Variants in PPP1R9A observed in about 807,000 individuals in gnomAD.
PPP1R9A encodes neurabin-1.
A neutral mutation model predicts 141.9 loss-of-function variants in PPP1R9A; 59 were observed. That is an observed-to-expected ratio of 0.42 (90% confidence interval 0.34 to 0.52). The LOEUF is 0.52. Ranked by LOEUF, PPP1R9A falls within the 20% of genes least tolerant of loss-of-function variation. PPP1R9A has a pLI of 0.10. For missense variants in PPP1R9A, 1,444 were observed against 1,611.9 expected (o/e 0.90, Z 1.78); for synonymous variants, 500 against 569.7 (o/e 0.88, Z 1.74).
At chr7:95,272,096 T>C (rs1802276146) in intron 14 of PPP1R9A, among the ~76,000 whole-genome samples, 1 of 152,186 alleles carries the variant, frequency 6.6e-6, no homozygotes, top group Admixed American at 6.5e-5. Flanking sequence ...AATCAGGCTT[T>C]TAGTCGCATG....
intron 2 of PPP1R9A, among the ~76,000 whole-genome samples, chr7:95,017,520 T>C (rs1362081020): frequency 6.6e-6 from 1 of 152,006 alleles, no homozygotes; most frequent in Non-Finnish European, 1.5e-5. Flanking sequence ...AATACTTGGG[T>C]ATAAACAAAA....
chr7:95,054,114 GTTT>G (rs368824046), intron 2 of PPP1R9A, among the ~76,000 whole-genome samples: 1 of 132,704 alleles, frequency 7.5e-6, no homozygotes. Flanking sequence ...TCCCCACTGT[GTTT>G]TTTTTTTTTT....
chr7:95,280,131 T>C (rs1471652718), intron 16 of PPP1R9A, among the ~76,000 whole-genome samples: 1 of 152,190 alleles, frequency 6.6e-6, no homozygotes, highest in African/African-American at 2.4e-5. Flanking sequence ...TTAGGGTCTC[T>C]AGATCCCATT....
chr7:95,059,622 G>A (rs535913766), intron 2 of PPP1R9A, among the ~76,000 whole-genome samples: 40 of 152,230 alleles, frequency 2.6e-4, no homozygotes, highest in African/African-American at 9.6e-4. Context: ...TCATTTTTCT[G>A]TATCTGTTAT....
rs189093606 is a variant in PPP1R9A at position 95,159,497 on chromosome 7, G to A, written c.1650-2370G>A. Among the ~76,000 whole-genome samples the A allele has an allele frequency of 1.3e-4, 20 of 152,186 alleles. No homozygotes were observed. In the East Asian group the frequency reaches 1.4e-3, roughly 10 times the overall value. ...TGTTACATAGGTATACATGTGCCAC[G>A]GTTGTTTGCTATACCTGTCAACCCA... On this transcript the variant is annotated intron_variant, in intron 4 of 19. Coordinates refer to ENST00000433360, the MANE Select transcript of PPP1R9A (RefSeq NM_001166160.2).
rs192633987 is a variant in PPP1R9A, at chr7:95,120,064, C to T, written c.1529-648C>T. ...CTCCGCCTCCTGGGTTCAAACGATT[C>T]TCCTGCCTCAACCTCCCAAGTAGCT... On this transcript the variant is annotated intron_variant, in intron 3 of 19. Coordinates refer to ENST00000433360, the MANE Select transcript of PPP1R9A (RefSeq NM_001166160.2). Among the ~76,000 whole-genome samples the T allele has an allele frequency of 7.8e-3, 1,155 of 148,400 alleles. 29 individuals carry two copies. The highest frequency in any genetic ancestry group is 0.043 in the Admixed American group (620 of 14,474).
rs1020579320 is a variant in PPP1R9A at position 94,922,020 on chromosome 7, A to G, written c.1395+10512A>G. Among the ~76,000 whole-genome samples the G allele has an allele frequency of 2.6e-5, 4 of 151,868 alleles. No individual in the cohort carries two copies. In the South Asian group the frequency reaches 8.3e-4, roughly 31 times the overall value. On this transcript the variant is annotated intron_variant, in intron 2 of 19. Coordinates refer to ENST00000433360, the MANE Select transcript of PPP1R9A (RefSeq NM_001166160.2). ...TCTATGATTTTCATATCTGTATTAT[A>G]TACAGTTTCTTGCTTAGCGTCTAGA...
intron 5 of PPP1R9A, among the ~76,000 whole-genome samples, chr7:95,176,785 G>A (rs1832970329): frequency 6.6e-6 from 1 of 152,052 alleles, no homozygotes; most frequent in Non-Finnish European, 1.5e-5. Flanking sequence ...TTGAAGATAA[G>A]ATCTTCGAAT....
intron 2 of PPP1R9A, among the ~76,000 whole-genome samples, chr7:95,007,543 A>G (rs1803795082): frequency 6.6e-6 from 1 of 152,218 alleles, no homozygotes; most frequent in Admixed American, 6.5e-5. Flanking sequence ...ATGTATAAGA[A>G]CCCAGTAATT....
intron 7 of PPP1R9A, among the ~76,000 whole-genome samples, chr7:95,219,292 T>C (rs934726992): frequency 3.9e-5 from 6 of 152,182 alleles, no homozygotes; most frequent in African/African-American, 1.4e-4. Flanking sequence ...TGCTGAATAT[T>C]GGCCCCCACT....
At chr7:95,139,401 T>C (rs559445909) in intron 4 of PPP1R9A, among the ~76,000 whole-genome samples, 1 of 152,150 alleles carries the variant, frequency 6.6e-6, no homozygotes, top group South Asian at 2.1e-4. Context: ...CATGTGAGGA[T>C]TATGAGATTA....
chr7:95,248,901 G>A (rs1798505720), intron 9 of PPP1R9A, among the ~76,000 whole-genome samples: 1 of 152,116 alleles, frequency 6.6e-6, no homozygotes, highest in Non-Finnish European at 1.5e-5. Flanking sequence ...ACATAGATGT[G>A]TGTGTATATA....
chr7:95,057,833 G>A (rs757328279), intron 2 of PPP1R9A, among the ~76,000 whole-genome samples: 3 of 152,064 alleles, frequency 2.0e-5, no homozygotes, highest in Non-Finnish European at 4.4e-5. Context: ...TTGAATGAAT[G>A]TTCTTAAATT....
chr7:95,196,848 A>G (rs565619538), intron 5 of PPP1R9A, among the ~76,000 whole-genome samples: 1 of 152,304 alleles, frequency 6.6e-6, no homozygotes, highest in South Asian at 2.1e-4. Context: ...ACGCGTTTAC[A>G]TATGTATCAC....
intron 5 of PPP1R9A, among the ~76,000 whole-genome samples, chr7:95,180,453 A>G (rs951532807): frequency 5.3e-5 from 8 of 152,192 alleles, no homozygotes; most frequent in Non-Finnish European, 1.2e-4. Context: ...CCTTCTAGAC[A>G]TTGGCTTAGG....
chr7:95,274,120 A>C lies in PPP1R9A; in HGVS notation c.3248A>C (p.Lys1083Thr). Reference sequence around the variant, plus strand: ...CGAAGGAATTCCAGCAAGGGAAAGAAGTGGAAAGAAAAAGAAAAAGAAGCC... The same window carrying C: ...CGAAGGAATTCCAGCAAGGGAAAGACGTGGAAAGAAAAAGAAAAAGAAGCC... ...PLRRNSSKGK[K>T]WKEKEKEASR... The change falls in exon 16 of 20, where the codon AAG (lysine) becomes ACG (threonine). Residue 1083 changes from lysine to threonine, a missense_variant. Physicochemically the swap from Lys to Thr is moderately conservative, Grantham distance 78. Coordinates refer to ENST00000433360, the MANE Select transcript of PPP1R9A (RefSeq NM_001166160.2). The C allele has an allele frequency of 6.3e-7, 1 of 1,584,922 alleles. No individual in the cohort carries two copies. Among genetic ancestry groups the C allele is most frequent in the Non-Finnish European group, 8.5e-7 (1 of 1,171,714 alleles).
chr7:95,014,874 A>G (rs1240148302), intron 2 of PPP1R9A, among the ~76,000 whole-genome samples: 2 of 152,026 alleles, frequency 1.3e-5, no homozygotes, highest in African/African-American at 2.4e-5. Flanking sequence ...ATCTTAATCT[A>G]TGAGTTAAAA....
At chr7:95,080,551 A>G (rs1012503208) in intron 2 of PPP1R9A, among the ~76,000 whole-genome samples, 4 of 152,176 alleles carry the variant, frequency 2.6e-5, no homozygotes, top group South Asian at 2.1e-4. Flanking sequence ...TCTCCATCAA[A>G]CTACCAATGA....
chr7:95,037,645 T>C (rs879091823), intron 2 of PPP1R9A, among the ~76,000 whole-genome samples: 2 of 152,208 alleles, frequency 1.3e-5, no homozygotes, highest in Admixed American at 1.3e-4. Flanking sequence ...ATTCATACAT[T>C]TTCTTTCCTT....
Sources: gnomAD v4.1 joint callset for allele counts (sites outside exome capture counted in the v4.1 genomes callset) on GRCh38, gnomAD v4.1.1 for gene constraint, MANE v1.5 for transcripts, NCBI Gene and HGNC (gene_info 2026-07-23, HGNC 2026-07-21) for gene names.